Variants in PHF2 observed in about 807,000 individuals in gnomAD.
PHF2 encodes PHD finger protein 2.
In PHF2, 27 loss-of-function variants were observed where a neutral mutation model predicts 120.5. The observed-to-expected ratio is 0.22, with a 90% confidence interval of 0.17 to 0.31. The LOEUF is 0.31. Ranked by LOEUF, PHF2 falls within the 10% of genes least tolerant of loss-of-function variation. The probability of loss-of-function intolerance (pLI) is 1.00; values close to 1 mark genes in which losing one functional copy is unlikely to be tolerated. For missense variants in PHF2, 1,024 were observed against 1,434.8 expected (o/e 0.71, Z 4.63); for synonymous variants, 568 against 592.5 (o/e 0.96, Z 0.60).
At chr9:93,669,965 C>T (rs1441902187) in intron 17 of PHF2, among the ~76,000 whole-genome samples, 1 of 152,234 alleles carries the variant, frequency 6.6e-6, no homozygotes, top group Admixed American at 6.5e-5. Flanking sequence ...TCCTTCTTGT[C>T]TCACATGTGT....
intron 12 of PHF2, among the ~76,000 whole-genome samples, chr9:93,662,114 A>T (rs1437126443): frequency 6.7e-6 from 1 of 148,684 alleles, no homozygotes; most frequent in Admixed American, 6.7e-5. Flanking sequence ...TGGGTGGATG[A>T]ATAAATGGAT....
chr9:93,661,343 C>T (rs1826561196), intron 12 of PHF2, among the ~76,000 whole-genome samples: 1 of 152,146 alleles, frequency 6.6e-6, no homozygotes, highest in Non-Finnish European at 1.5e-5. Flanking sequence ...TGTTCTCTTT[C>T]TCAGGGCAAG....
chr9:93,640,184 C>G (rs2131667001), intron 3 of PHF2, among the ~76,000 whole-genome samples: 1 of 152,120 alleles, frequency 6.6e-6, no homozygotes, highest in African/African-American at 2.4e-5. Flanking sequence ...ATTTATCCTC[C>G]TTTATGTGGT....
At chr9:93,615,445 T>A (rs1188567521) in intron 1 of PHF2, among the ~76,000 whole-genome samples, 2 of 152,184 alleles carry the variant, frequency 1.3e-5, no homozygotes, top group Non-Finnish European at 2.9e-5. Context: ...AAACTATCTT[T>A]ACAGCCACCA....
intron 1 of PHF2, among the ~76,000 whole-genome samples, chr9:93,622,801 C>G (rs1202699667): frequency 6.6e-6 from 1 of 152,190 alleles, no homozygotes; most frequent in African/African-American, 2.4e-5. Flanking sequence ...GTCCCCAGAA[C>G]AGGCATGTTC....
intron 17 of PHF2, among the ~76,000 whole-genome samples, chr9:93,670,812 A>G (rs1376582295): frequency 1.3e-5 from 2 of 152,230 alleles, no homozygotes; most frequent in Non-Finnish European, 2.9e-5. Context: ...AGGTGTGTGC[A>G]TAGGCATGGG....
rs564406055 is a variant in PHF2, at chr9:93,659,608, C to G, written c.1329+8C>G. On this transcript the variant is annotated splice_region_variant and intron_variant, in intron 11 of 21. Coordinates refer to ENST00000359246, the MANE Select transcript of PHF2 (RefSeq NM_005392.4). ...GAGATCCGGCTCAGTGAGGTGGGGC[C>G]GTGTCCAGGTGCTGGGCTGGACCCC... 2 of 1,613,162 alleles carry G rather than the reference C, an allele frequency of 1.2e-6. No individual in the cohort carries two copies. Among genetic ancestry groups the G allele is most frequent in the South Asian group, 1.1e-5 (1 of 91,016 alleles).
intron 1 of PHF2, among the ~76,000 whole-genome samples, chr9:93,625,220 A>G (rs1368814363): frequency 6.6e-6 from 1 of 152,182 alleles, no homozygotes; most frequent in Non-Finnish European, 1.5e-5. Flanking sequence ...ATGTGAGTGG[A>G]ATCATACAGC....
At chr9:93,609,588 T>C (rs980913470) in intron 1 of PHF2, among the ~76,000 whole-genome samples, 1 of 152,182 alleles carries the variant, frequency 6.6e-6, no homozygotes, top group African/African-American at 2.4e-5. Context: ...TTGAATGTTT[T>C]ACTCCCCACT....
At chr9:93,607,617 A>G (rs1332281817) in intron 1 of PHF2, among the ~76,000 whole-genome samples, 2 of 151,814 alleles carry the variant, frequency 1.3e-5, no homozygotes, top group Admixed American at 6.6e-5. Context: ...AAATGTGTAG[A>G]TCAAATTGGG....
chr9:93,600,146 ATGTG>A (rs1207066006), intron 1 of PHF2, among the ~76,000 whole-genome samples: 2 of 151,146 alleles, frequency 1.3e-5, no homozygotes, highest in Non-Finnish European at 3.0e-5. Flanking sequence ...ATGTGTGTGA[ATGTG>A]TGTGGTGTGT....
intron 1 of PHF2, among the ~76,000 whole-genome samples, chr9:93,596,507 T>C (rs1825335397): frequency 6.6e-6 from 1 of 151,976 alleles, no homozygotes; most frequent in Non-Finnish European, 1.5e-5. Context: ...AGGTTTATCC[T>C]AGTGGGAGAG....
chr9:93,581,708 C>T (rs1183558946), intron 1 of PHF2, among the ~76,000 whole-genome samples: 1 of 152,166 alleles, frequency 6.6e-6, no homozygotes, highest in Non-Finnish European at 1.5e-5. Context: ...TGGACTGCAG[C>T]CCACGTTTGT....
chr9:93,634,588 G>T (rs774597985), intron 2 of PHF2, among the ~76,000 whole-genome samples: 1 of 152,240 alleles, frequency 6.6e-6, no homozygotes, highest in Non-Finnish European at 1.5e-5. Flanking sequence ...CCTGGCTCAG[G>T]CTGGCACCAA....
intron 5 of PHF2, among the ~76,000 whole-genome samples, chr9:93,649,686 CAT>C (rs3080758): frequency 0.35 from 53,272 of 150,554 alleles, 9,781 homozygotes; most frequent in Non-Finnish European, 0.41. Context: ...TGGACACACT[CAT>C]GACACTCACA....
chr9:93,668,135 G>A (rs1826716129), intron 17 of PHF2, among the ~76,000 whole-genome samples: 1 of 152,224 alleles, frequency 6.6e-6, no homozygotes, highest in African/African-American at 2.4e-5. Flanking sequence ...TATTTTACAT[G>A]CAATATTATG....
At position 93,678,517 on chromosome 9, in the gene PHF2, G is replaced by A. The variant is rs1826963185; in HGVS notation, c.*841G>A. ...ACTGGCAGGGCAGGGGCAGGGGCAG[G>A]GACAGTGGCCAGGCGGCCCGAGGAC... On this transcript the variant is annotated 3_prime_UTR_variant, in exon 22 of 22. Transcript: ENST00000359246. 6.6e-6 allele frequency: 1 copy of A among 152,642 alleles called. No homozygotes were observed. Among genetic ancestry groups the A allele is most frequent in the African/African-American group, 2.4e-5 (1 of 41,452 alleles). The allele number at this position is 152,642 out of a possible 1,614,324, so 9.5% of individuals were successfully genotyped here.
intron 3 of PHF2, among the ~76,000 whole-genome samples, chr9:93,644,152 C>G (rs537086562): frequency 6.6e-6 from 1 of 152,046 alleles, no homozygotes; most frequent in Non-Finnish European, 1.5e-5. Context: ...TTTGGAAGGC[C>G]GAGGTGGGTG....
chr9:93,586,197 C>G (rs1476491730), intron 1 of PHF2, among the ~76,000 whole-genome samples: 1 of 152,256 alleles, frequency 6.6e-6, no homozygotes, highest in Non-Finnish European at 1.5e-5. Flanking sequence ...GCAGCACACA[C>G]AGGCTCAAAT....
Sources: allele counts gnomAD v4.1 joint callset (sites outside exome capture counted in the v4.1 genomes callset), GRCh38; gene constraint gnomAD v4.1.1; transcripts MANE v1.5; gene names NCBI Gene and HGNC (gene_info 2026-07-23, HGNC 2026-07-21).